Variants in LRRN3 observed in about 807,000 individuals in gnomAD.
The protein encoded by LRRN3 is leucine rich repeat neuronal 3, also known as leucine-rich repeat neuronal protein 3.
LRRN3 carries 15 observed loss-of-function variants against 40.1 expected under a neutral mutation model. The observed-to-expected ratio is 0.37, with a 90% CI of 0.25 to 0.58. The LOEUF (loss-of-function observed/expected upper bound fraction) is 0.58. LRRN3 is among the 20% of genes least tolerant of loss of function. The probability of loss-of-function intolerance (pLI) is 0.72; values close to 1 mark genes in which losing one functional copy is unlikely to be tolerated. For missense variants in LRRN3, 746 were observed against 837.7 expected (o/e 0.89, Z 1.35); for synonymous variants, 308 against 297.2 (o/e 1.04, Z -0.37).
At chr7:111,118,095 T>G (rs541387248) in intron 2 of LRRN3, among the ~76,000 whole-genome samples, 68 of 152,264 alleles carry the variant, frequency 4.5e-4, no homozygotes, top group African/African-American at 1.6e-3. Context: ...TTCTCTCCTT[T>G]GTGCATCCAC....
At chr7:111,119,484 C>T (rs1586400732) in intron 2 of LRRN3, among the ~76,000 whole-genome samples, 1 of 152,252 alleles carries the variant, frequency 6.6e-6, no homozygotes, top group East Asian at 1.9e-4. Flanking sequence ...AAGAATAAAG[C>T]ACAGATATAA....
At chr7:111,095,514 G>C (rs1024881798) in intron 1 of LRRN3, among the ~76,000 whole-genome samples, 5 of 151,868 alleles carry the variant, frequency 3.3e-5, no homozygotes, top group Admixed American at 3.3e-4. Flanking sequence ...TTCAATAATA[G>C]AAGCAACGAT....
chr7:111,114,431 T>C (rs1799603308), intron 2 of LRRN3, among the ~76,000 whole-genome samples: 1 of 152,094 alleles, frequency 6.6e-6, no homozygotes, highest in African/African-American at 2.4e-5. Context: ...GTACATTGTA[T>C]TAAGTTTGCA....
At chr7:111,092,737 G>A (rs1796999965) in intron 1 of LRRN3, among the ~76,000 whole-genome samples, 1 of 152,142 alleles carries the variant, frequency 6.6e-6, no homozygotes, top group African/African-American at 2.4e-5. Flanking sequence ...CAGCTACTTA[G>A]AATATGCTTT....
At chr7:111,099,645 A>G (rs974078754) in intron 1 of LRRN3, among the ~76,000 whole-genome samples, 2 of 151,728 alleles carry the variant, frequency 1.3e-5, no homozygotes, top group African/African-American at 4.8e-5. Flanking sequence ...CCAGTGATTA[A>G]AAATGGAGTT....
At chr7:111,101,230 T>G (rs1008286741) in intron 2 of LRRN3, among the ~76,000 whole-genome samples, 1 of 151,590 alleles carries the variant, frequency 6.6e-6, no homozygotes, top group South Asian at 2.1e-4. Flanking sequence ...TTACCACTTA[T>G]TCATTTAGAC....
Position 111,122,906 on chromosome 7 carries a change from C to T in LRRN3, c.134C>T (p.Ser45Phe). The T allele has an allele frequency of 1.2e-6, 2 of 1,613,970 alleles. No homozygotes were observed. The highest frequency in any genetic ancestry group is 1.7e-6 in the Non-Finnish European group (2 of 1,179,916). The part of the protein sequence containing the change: ...CEIRPWFTPR[S>F]IYMEASTVDC... ...ATCAGGCCTTGGTTTACACCCAGAT[C>T]CATTTATATGGAAGCATCTACAGTG... The change falls in exon 3 of 3, where the codon TCC becomes TTC. Residue 45 changes from serine to phenylalanine, a missense_variant. Coordinates refer to ENST00000308478, the MANE Select transcript of LRRN3 (RefSeq NM_001099658.2).
rs1027721587 is a variant in LRRN3, at chr7:111,124,528, T to A, written c.1756T>A (p.Ser586Thr). 1.9e-6 allele frequency: 3 copies of A among 1,613,750 alleles called. No homozygotes were observed. Among genetic ancestry groups the A allele is most frequent in the African/African-American group, 2.7e-5 (2 of 75,014 alleles). ...KVYNLTHLNP[S>T]TEYKICIDIP... ...ATATAATCTTACTCATCTGAATCCA[T>A]CAACTGAGTATAAAATTTGTATTGA... The change falls in exon 3 of 3, where the codon TCA becomes ACA. Residue 586 changes from serine to threonine, a missense_variant. Coordinates refer to ENST00000308478, the MANE Select transcript of LRRN3 (RefSeq NM_001099658.2).
In LRRN3 at chr7:111,123,770, T is replaced by C. The variant is rs1241149336; in HGVS notation, c.998T>C (p.Leu333Pro). The change falls in exon 3 of 3, where the codon CTC becomes CCC. Residue 333 changes from leucine (L) to proline (P), a missense_variant. Transcript: ENST00000308478. The surrounding 1 kb of genome is among the most constrained non-coding windows in gnomAD (Gnocchi z 6.4). The part of the protein sequence containing the change: ...SYIHPNAFFR[L>P]PKLESLMLNS... ...ATTCACCCCAATGCATTTTTCAGAC[T>C]CCCCAAGCTGGAATCACTCATGCTG... 6.2e-7 allele frequency: 1 copy of C among 1,613,784 alleles called. No homozygotes were observed. Among genetic ancestry groups the C allele is most frequent in the African/African-American group, 1.3e-5 (1 of 74,866 alleles).
intron 2 of LRRN3, among the ~76,000 whole-genome samples, chr7:111,103,764 G>C (rs191492009): frequency 1.3e-5 from 2 of 151,372 alleles, no homozygotes; most frequent in African/African-American, 4.8e-5. Flanking sequence ...AACTTTTAAC[G>C]CATTATTTTA....
At chr7:111,120,836 T>A (rs1212943317) in intron 2 of LRRN3, among the ~76,000 whole-genome samples, 1 of 152,104 alleles carries the variant, frequency 6.6e-6, no homozygotes, top group African/African-American at 2.4e-5. Flanking sequence ...TGTCTCTAAA[T>A]CCTGTCTCCT....
At chr7:111,121,557 A>G (rs867491377) in intron 2 of LRRN3, among the ~76,000 whole-genome samples, 4 of 152,176 alleles carry the variant, frequency 2.6e-5, no homozygotes, top group South Asian at 2.1e-4. Context: ...TTAGAATGGC[A>G]ATCATTAAAA....
rs757409375 is a variant in LRRN3 at position 111,099,883 on chromosome 7, G to A, written c.-438G>A. Reference sequence around the variant, plus strand: ...GCTACTTCTTACATACAACAAAGACGAGGAAGAGGAGGAGAAAGAGAAAGA... The same window carrying A: ...GCTACTTCTTACATACAACAAAGACAAGGAAGAGGAGGAGAAAGAGAAAGA... On this transcript the variant is annotated splice_region_variant and 5_prime_UTR_variant, in exon 2 of 3. Coordinates refer to ENST00000308478, the MANE Select transcript of LRRN3 (RefSeq NM_001099658.2). 4 of 151,528 alleles carry A rather than the reference G, an allele frequency of 2.6e-5. No individual in the cohort carries two copies. Among genetic ancestry groups the A allele is most frequent in the Non-Finnish European group, 4.4e-5 (3 of 67,746 alleles). The allele number at this position is 151,528 out of a possible 1,614,324, so 9.4% of individuals were successfully genotyped here.
At chr7:111,116,944 T>G (rs1445413783) in intron 2 of LRRN3, among the ~76,000 whole-genome samples, 1 of 152,158 alleles carries the variant, frequency 6.6e-6, no homozygotes, top group South Asian at 2.1e-4. Context: ...TGAATTCACA[T>G]CTGAATTTAG....
rs371192203 is a variant in LRRN3, at chr7:111,124,661, T to C, written c.1889T>C (p.Met630Thr). ...EYEKNNTTTL[M>T]ACLGGLLGII... is the part of the protein sequence containing the mutation. Reference sequence around the variant, plus strand: ...GAAAAGAATAATACCACAACACTTATGGCCTGTCTTGGAGGCCTTCTGGGG... The same window carrying C: ...GAAAAGAATAATACCACAACACTTACGGCCTGTCTTGGAGGCCTTCTGGGG... Residue 630 changes from methionine (M) to threonine (T), a missense_variant, in exon 3 of 3, where the codon ATG (methionine) becomes ACG (threonine). By Grantham distance (81) the Met-to-Thr change is moderately conservative (BLOSUM62 -1). Coordinates refer to ENST00000308478, the MANE Select transcript of LRRN3 (RefSeq NM_001099658.2). The C allele has an allele frequency of 8.1e-6, 13 of 1,613,846 alleles. No individual in the cohort carries two copies. Among genetic ancestry groups the C allele is most frequent in the East Asian group, 6.7e-5 (3 of 44,874 alleles).
intron 2 of LRRN3, among the ~76,000 whole-genome samples, chr7:111,117,091 G>A (rs570114286): frequency 4.9e-4 from 75 of 152,186 alleles, no homozygotes; most frequent in African/African-American, 1.7e-3. Context: ...TAACTAATTT[G>A]ATAGTCTTTA....
chr7:111,100,924 T>G (rs1364202898), intron 2 of LRRN3, among the ~76,000 whole-genome samples: 1 of 151,528 alleles, frequency 6.6e-6, no homozygotes, highest in East Asian at 1.9e-4. Context: ...TCACCAGTTT[T>G]GAAAATATTT....
chr7:111,107,048 G>C lies in LRRN3; in HGVS notation c.-359+7086G>C, dbSNP rs376403616. ...AACAATCAAAGTTTCTATTAAATCA[G>C]AGAAGAGACAGTTAAGCTGCAATGT... On this transcript the variant is annotated intron_variant, in intron 2 of 2. Coordinates refer to ENST00000308478, the MANE Select transcript of LRRN3 (RefSeq NM_001099658.2). Among the ~76,000 whole-genome samples, 9 of 152,022 alleles carry C rather than the reference G, an allele frequency of 5.9e-5. No homozygotes were observed. The East Asian group carries it at 1.5e-3, about 26-fold the overall frequency.
intron 1 of LRRN3, among the ~76,000 whole-genome samples, 171 bp downstream of exon 1, chr7:111,091,675 C>T (rs752608538): frequency 1.3e-5 from 2 of 152,076 alleles, no homozygotes; most frequent in Non-Finnish European, 2.9e-5. Flanking sequence ...ACCCAGCTGG[C>T]TCTGTGTGTG....
Sources: allele counts gnomAD v4.1 joint callset (sites outside exome capture counted in the v4.1 genomes callset), GRCh38; gene constraint gnomAD v4.1.1; non-coding constraint Gnocchi (gnomAD v3.1); transcripts MANE v1.5; gene names NCBI Gene and HGNC (gene_info 2026-07-23, HGNC 2026-07-21).